Variants in MORN1 observed in about 807,000 individuals in gnomAD.
MORN1 encodes MORN repeat-containing protein 1.
Under a neutral mutation model 61.9 loss-of-function variants are expected in MORN1, and 67 were observed. The ratio of observed to expected loss-of-function variants is 1.08; its 90% CI spans 0.89 to 1.33. The LOEUF is 1.33. Ranked by LOEUF, MORN1 falls within the 40% of genes most tolerant of loss-of-function variation. The pLI is 0.00. For synonymous variants in MORN1, 301 were observed against 292.0 expected (o/e 1.03, Z -0.31); for missense variants, 752 against 691.2 (o/e 1.09, Z -0.99).
chr1:2,355,805 C>T (rs536831270), intron 10 of MORN1, among the ~76,000 whole-genome samples: 1 of 152,352 alleles, frequency 6.6e-6, no homozygotes, highest in African/African-American at 2.4e-5. Context: ...CCCTGTCTCA[C>T]TGCAGGAGAG....
At chr1:2,373,573 T>C (rs1642169790) in intron 7 of MORN1, among the ~76,000 whole-genome samples, 1 of 152,060 alleles carries the variant, frequency 6.6e-6, no homozygotes, top group Admixed American at 6.5e-5. Context: ...CTGCTGAGGA[T>C]CCAGGGGCCC....
chr1:2,338,249 CTTAAT>C (rs1641321524), intron 10 of MORN1, among the ~76,000 whole-genome samples: 1 of 152,172 alleles, frequency 6.6e-6, no homozygotes, highest in Admixed American at 6.5e-5. Flanking sequence ...TCAGAGGTGT[CTTAAT>C]TTAATCATTA....
At chr1:2,351,694 C>T (rs1641651217) in intron 10 of MORN1, 1 of 446,692 alleles carries the variant, frequency 2.2e-6, no homozygotes, top group Admixed American at 2.8e-5. Context: ...GGTTGCTTCG[C>T]ATTCTTTAGT....
Position 2,336,856 on chromosome 1 carries a change from G to A in MORN1, c.1037-6C>T. On this transcript the variant is annotated splice_polypyrimidine_tract_variant and splice_region_variant and intron_variant, in intron 10 of 13. Transcript: ENST00000378531. ...ATGGGGCGCATGTCCCCTGGCTGAG[G>A]AGACAGAATGAAGAAAGACCCTATG... 4 of 1,553,790 alleles carry A rather than the reference G, an allele frequency of 2.6e-6. No homozygotes were observed. The highest frequency in any genetic ancestry group is 4.5e-5 in the East Asian group (2 of 44,132).
intron 12 of MORN1, chr1:2,332,393 A>C (rs1641176823): frequency 2.9e-6 from 1 of 345,798 alleles, no homozygotes; most frequent in Non-Finnish European, 5.7e-6. Flanking sequence ...CCAGCATCGG[A>C]AGGAATGCTC....
intron 12 of MORN1, among the ~76,000 whole-genome samples, chr1:2,331,246 T>G (rs1641141914): frequency 1.3e-5 from 2 of 151,982 alleles, no homozygotes; most frequent in South Asian, 4.1e-4. Context: ...TCGTGCAGCC[T>G]CCCCAGAGCC....
In MORN1 at chr1:2,334,805, C is replaced by T. The variant is rs1641231712; in HGVS notation, c.1250+1664G>A. 6.6e-6 allele frequency among the ~76,000 whole-genome samples: 1 copy of T among 152,248 alleles called. No homozygotes were observed. Among genetic ancestry groups the T allele is most frequent in the Non-Finnish European group, 1.5e-5 (1 of 68,042 alleles). ...GGGAGCAGACGCCGACCCCTCCGTT[C>T]TCTCAGGTGGAAAAGAACGAAAGCC... On this transcript the variant is annotated intron_variant, in intron 12 of 13. Coordinates refer to ENST00000378531, the MANE Select transcript of MORN1 (RefSeq NM_024848.3). The surrounding 1 kb of genome is among the most constrained non-coding windows in gnomAD (Gnocchi z 5.4).
At chr1:2,350,301 T>C (rs1454293954) in intron 10 of MORN1, 4 of 152,250 alleles carry the variant, frequency 2.6e-5, no homozygotes, top group Non-Finnish European at 4.4e-5. Flanking sequence ...CAAATCCTTA[T>C]TTGAAAGTTA....
intron 13 of MORN1, chr1:2,322,910 G>A (rs1460598198): frequency 2.5e-5 from 25 of 985,320 alleles, no homozygotes; most frequent in Non-Finnish European, 3.0e-5. Flanking sequence ...GGCAGGCCGG[G>A]CCTCGACGGC....
intron 2 of MORN1, 66 bp from the exon 3 acceptor site, chr1:2,388,403 G>T: frequency 2.3e-6 from 3 of 1,285,546 alleles, no homozygotes; most frequent in Non-Finnish European, 3.4e-6. Flanking sequence ...ACACTGTGCA[G>T]TGTTGGGCCT....
chr1:2,326,152 A>G (rs1327208972), intron 12 of MORN1: 3 of 152,198 alleles, frequency 2.0e-5, no homozygotes, highest in African/African-American at 7.2e-5. Flanking sequence ...CCAGGTTCCT[A>G]CCCGTCGACA....
In MORN1 at chr1:2,336,837, C is replaced by T. The variant is rs773572949; in HGVS notation, c.1050G>A (p.Ala350=). Residue 350 remains alanine, a synonymous_variant, in exon 11 of 14, where the codon GCG becomes GCA. Transcript: ENST00000378531. The part of the protein sequence containing the change: ...TPGGLLARGH[A]PHCPGACQRV... ...GCTGACAGGCCCCGGGACAATGGGG[C>T]GCATGTCCCCTGGCTGAGGAGACAG... The T allele has an allele frequency of 1.7e-5, 26 of 1,572,756 alleles. No homozygotes were observed. In the East Asian group the frequency reaches 1.8e-4, roughly 11 times the overall value.
chr1:2,348,736 CCTGCGCGG>C (rs752456940), intron 10 of MORN1, among the ~76,000 whole-genome samples: 1,546 of 135,950 alleles, frequency 0.011, 12 homozygotes, highest in East Asian at 0.016. Flanking sequence ...CACACGCACA[CCTGCGCGG>C]GCACGCACAC....
chr1:2,328,060 C>T (rs547910464), intron 12 of MORN1, among the ~76,000 whole-genome samples: 152 of 152,380 alleles, frequency 1.0e-3, no homozygotes, highest in Middle Eastern at 3.4e-3. Flanking sequence ...GAGTGCAGGC[C>T]GAGCAAGGGA....
chr1:2,340,290 A>G (rs1641367867), intron 10 of MORN1, among the ~76,000 whole-genome samples: 1 of 152,098 alleles, frequency 6.6e-6, no homozygotes, highest in African/African-American at 2.4e-5. Context: ...CTCAGGGGCC[A>G]CACACCCAGC....
chr1:2,336,697 C>T lies in MORN1; in HGVS notation c.1170+20G>A, dbSNP rs186681156. The T allele has an allele frequency of 3.8e-4, 585 of 1,546,418 alleles. 3 individuals carry two copies. In the African/African-American group the frequency reaches 6.9e-3, roughly 18 times the overall value. ...TCTGAGTGATGTGGGGTGGCCTCCC[C>T]GCCCCCCGTGGGCACCCACCTTGTG... On this transcript the variant is annotated intron_variant, in intron 11 of 13. Coordinates refer to ENST00000378531, the MANE Select transcript of MORN1 (RefSeq NM_024848.3).
At chr1:2,355,050 C>T (rs1479773757) in intron 10 of MORN1, 8 of 563,416 alleles carry the variant, frequency 1.4e-5, no homozygotes, top group African/African-American at 2.0e-5. Context: ...AGGTAGGATC[C>T]GCCCCAGACT....
chr1:2,343,899 C>T (rs2100272137), intron 10 of MORN1, among the ~76,000 whole-genome samples: 1 of 151,796 alleles, frequency 6.6e-6, no homozygotes, highest in South Asian at 2.1e-4. Context: ...ACCGTGGTCC[C>T]ATGTCTGCTG....
intron 12 of MORN1, among the ~76,000 whole-genome samples, chr1:2,333,175 C>T (rs572243130): frequency 5.3e-5 from 8 of 152,354 alleles, no homozygotes; most frequent in African/African-American, 1.4e-4. Context: ...ATCGGGCTCC[C>T]GCCTGGAGAT....
Sources: allele counts gnomAD v4.1 joint callset (sites outside exome capture counted in the v4.1 genomes callset), GRCh38; gene constraint gnomAD v4.1.1; non-coding constraint Gnocchi (gnomAD v3.1); transcripts MANE v1.5; gene names NCBI Gene and HGNC (gene_info 2026-07-23, HGNC 2026-07-21).